The following SEPTIN8 variants were observed in gnomAD, a reference collection of about 807,000 sequenced individuals.
SEPTIN8 encodes the protein septin-8.
Under a neutral mutation model 53.1 loss-of-function variants are expected in SEPTIN8, and 22 were observed. The ratio of observed to expected loss-of-function variants is 0.41; its 90% CI spans 0.30 to 0.59. The LOEUF (loss-of-function observed/expected upper bound fraction) is 0.59, where lower values mean the gene tolerates loss of function less well. SEPTIN8 is among the 20% of genes least tolerant of loss of function. SEPTIN8 has a pLI of 0.24. For synonymous variants in SEPTIN8, 228 were observed against 248.4 expected (o/e 0.92, Z 0.77); for missense variants, 536 against 638.7 (o/e 0.84, Z 1.73).
In SEPTIN8 at chr5:132,777,160, T is replaced by TGGGC; in HGVS notation, c.-27_-24dup. ...CATGGCGAGCTCCGCACCGGGCGGG[T>TGGGC]GGGCTGGGACGAGCGCAGGGGCAGC... is the stretch of plus-strand genomic sequence containing the variant. On this transcript the variant is annotated 5_prime_UTR_variant, in exon 1 of 10. Transcript: ENST00000378719. This position sits in a 1 kb window ranked among gnomAD's most constrained non-coding sequence, Gnocchi z 4.1. The TGGGC allele has an allele frequency of 4.3e-6, 3 of 690,354 alleles. No individual in the cohort carries two copies. The highest frequency in any genetic ancestry group is 5.5e-6 in the Non-Finnish European group (3 of 543,618). The allele number at this position is 690,354 out of a possible 1,614,324, so 42.8% of individuals were successfully genotyped here. A position where few individuals can be genotyped will look rare whatever the true frequency, so the allele number is the denominator to read the frequency against.
chr5:132,756,609 G>A, intron 9 of SEPTIN8: 1 of 985,454 alleles, frequency 1.0e-6, no homozygotes, highest in Non-Finnish European at 1.2e-6. Flanking sequence ...TTTGGTCTCA[G>A]CTAAAGAAGA....
chr5:132,762,598 G>A lies in SEPTIN8; in HGVS notation c.582C>T (p.Ser194=), dbSNP rs755791074. The A allele has an allele frequency of 9.9e-6, 16 of 1,614,220 alleles. No individual in the cohort carries two copies. Among genetic ancestry groups the A allele is most frequent in the East Asian group, 4.5e-5 (2 of 44,890 alleles). ...IIAKADTISK[S]ELHKFKIKIM... ...TCTTGATCTTGAACTTGTGGAGCTCGCTCTTGGAGATGGTGTCAGCCTTGG... is the reference window on the plus strand; with the variant it reads ...TCTTGATCTTGAACTTGTGGAGCTCACTCTTGGAGATGGTGTCAGCCTTGG... Residue 194 remains serine, a synonymous_variant, in exon 5 of 10, where the codon AGC becomes AGT. Transcript: ENST00000378719.
At chr5:132,772,385 CT>C (rs1330929448) in intron 1 of SEPTIN8, among the ~76,000 whole-genome samples, 7 of 152,210 alleles carry the variant, frequency 4.6e-5, no homozygotes, top group Admixed American at 3.9e-4. Context: ...CTTTATTGTG[CT>C]GCCTGAGAGG....
chr5:132,755,454 A>G (rs1348755995), intron 9 of SEPTIN8, among the ~76,000 whole-genome samples: 1 of 152,010 alleles, frequency 6.6e-6, no homozygotes, highest in Non-Finnish European at 1.5e-5. Flanking sequence ...GGTGTAGCTC[A>G]GGATTTAAGG....
At chr5:132,752,494 G>C (rs964195793) in intron 9 of SEPTIN8, among the ~76,000 whole-genome samples, 4 of 152,094 alleles carry the variant, frequency 2.6e-5, no homozygotes, top group African/African-American at 9.7e-5. Context: ...GGGTATGTCT[G>C]GCTTAGGAGG....
rs753987303 is a variant in SEPTIN8 at position 132,761,098 on chromosome 5, A to G, written c.1095+35T>C. ...CCCTCAGCCAGGCCTTCCCTCCCTC[A>G]GCTTCCCCATCCCAGCCCCCAGCCT... On this transcript the variant is annotated intron_variant, in intron 8 of 9. Transcript: ENST00000378719. The surrounding 1 kb of genome is among the most constrained non-coding windows in gnomAD (Gnocchi z 5.8). The G allele has an allele frequency of 6.2e-7, 1 of 1,613,242 alleles. No individual in the cohort carries two copies. The highest frequency in any genetic ancestry group is 8.5e-7 in the Non-Finnish European group (1 of 1,179,484).
chr5:132,776,638 G>A lies in SEPTIN8; in HGVS notation c.30+470C>T, dbSNP rs1187595338. Among the ~76,000 whole-genome samples the A allele has an allele frequency of 1.3e-5, 2 of 152,136 alleles. No homozygotes were observed. The highest frequency in any genetic ancestry group is 2.9e-5 in the Non-Finnish European group (2 of 68,004). On this transcript the variant is annotated intron_variant, in intron 1 of 9. Transcript: ENST00000378719. The surrounding 1 kb of genome is among the most constrained non-coding windows in gnomAD (Gnocchi z 4.4). ...CAGGACTCAAGTCTGCAACTGTCCTGGGCTCGTGTGGGAGACTCTCTCGGA... is the reference window on the plus strand; with the variant it reads ...CAGGACTCAAGTCTGCAACTGTCCTAGGCTCGTGTGGGAGACTCTCTCGGA...
At position 132,761,645 on chromosome 5, in the gene SEPTIN8, TG is replaced by T. The variant is rs770206112; in HGVS notation, c.794-20del. ...TTCTCCACTGAAAGCAGAGGGCCGGTGGGGTATCAGGCAGGCATGCAGGCGG... is the reference window on the plus strand; with the variant it reads ...TTCTCCACTGAAAGCAGAGGGCCGGTGGGTATCAGGCAGGCATGCAGGCGG... On this transcript the variant is annotated intron_variant, in intron 6 of 9. Coordinates refer to ENST00000378719, the MANE Select transcript of SEPTIN8 (RefSeq NM_001098811.2). The surrounding 1 kb of genome is among the most constrained non-coding windows in gnomAD (Gnocchi z 5.8). 5.6e-6 allele frequency: 9 copies of T among 1,611,916 alleles called. No homozygotes were observed. Among genetic ancestry groups the T allele is most frequent in the Non-Finnish European group, 7.6e-6 (9 of 1,179,098 alleles).
In SEPTIN8 at chr5:132,765,696, C is replaced by T. The variant is rs934044069; in HGVS notation, c.31-167G>A. Among the ~76,000 whole-genome samples the T allele has an allele frequency of 5.9e-5, 9 of 152,358 alleles. No homozygotes were observed. The South Asian group carries it at 1.2e-3, about 21-fold the overall frequency. On this transcript the variant is annotated intron_variant, in intron 1 of 9. Transcript: ENST00000378719. The stretch of plus-strand genomic sequence containing the variant: ...AGTACACCCGAGCACCAACTCCAGG[C>T]CAAGTTTCCCCAGAGGGAGCCCGAT...
chr5:132,758,129 G>A (rs1444480215), intron 9 of SEPTIN8: 51 of 1,023,678 alleles, frequency 5.0e-5, no homozygotes, highest in Non-Finnish European at 5.9e-5. Flanking sequence ...CATCCATAAA[G>A]AAATGCCAAA....
Position 132,752,176 on chromosome 5 carries a change from G to A in SEPTIN8, c.1292C>T (p.Ser431Leu), listed in dbSNP as rs1754901731. 1.3e-6 allele frequency: 2 copies of A among 1,581,782 alleles called. No individual in the cohort carries two copies. Among genetic ancestry groups the A allele is most frequent in the Non-Finnish European group, 1.7e-6 (2 of 1,162,584 alleles). Residue 431 changes from serine to leucine, a missense_variant, in exon 10 of 10, where the codon TCA (serine) becomes TTA (leucine). Ser to Leu is a moderately radical substitution (Grantham distance 145). Transcript: ENST00000378719. Reference protein sequence around the residue: ...LRKDKDKKNRSDIGAHQPGMS... With the variant: ...LRKDKDKKNRLDIGAHQPGMS... ...GCCCGGCTGGTGTGCTCCTATATCT[G>A]ATCTGCTAAAGAAAGCACAGGTAGA... is the stretch of plus-strand genomic sequence containing the variant.
Position 132,761,816 on chromosome 5 carries a change from G to A in SEPTIN8, c.777C>T (p.Pro259=). 6.2e-7 allele frequency: 1 copy of A among 1,609,000 alleles called. No individual in the cohort carries two copies. Among genetic ancestry groups the A allele is most frequent in the South Asian group, 1.1e-5 (1 of 90,034 alleles). ...CACACTCACCCTGCACCACTCCCCA[G>A]GGGTACTGCCGTGCTCGGACCAGCT... The part of the protein sequence containing the change: ...GNKLVRARQY[P]WGVVQVENEN... The change falls in exon 6 of 10, where the codon CCC becomes CCT. Residue 259 remains proline (P), a synonymous_variant. Transcript: ENST00000378719. This position sits in a 1 kb window ranked among gnomAD's most constrained non-coding sequence, Gnocchi z 5.8.
Position 132,751,182 on chromosome 5 carries a change from C to G in SEPTIN8, c.*834G>C. The G allele has an allele frequency of 1.9e-6, 1 of 534,752 alleles. No individual in the cohort carries two copies. The highest frequency in any genetic ancestry group is 4.8e-4 in the Middle Eastern group (1 of 2,100). The allele number at this position is 534,752 out of a possible 1,614,324, so 33.1% of individuals were successfully genotyped here. A position where few individuals can be genotyped will look rare whatever the true frequency, so the allele number is the denominator to read the frequency against. On this transcript the variant is annotated 3_prime_UTR_variant, in exon 10 of 10. Coordinates refer to ENST00000378719, the MANE Select transcript of SEPTIN8 (RefSeq NM_001098811.2). ...AGGTATCTTAAATCCAACACAGTTC[C>G]ACCAGACTCCCACTTCTAAAGGACA...
rs759253260 is a variant in SEPTIN8 at position 132,762,468 on chromosome 5, C to T, written c.696+16G>A. On this transcript the variant is annotated intron_variant, in intron 5 of 9. Coordinates refer to ENST00000378719, the MANE Select transcript of SEPTIN8 (RefSeq NM_001098811.2). ...CCTCTGGCCCCAGGGCCCTGAGGCC[C>T]TCACCCAACGCTCACATTCATGACT... 6.8e-6 allele frequency: 11 copies of T among 1,613,458 alleles called. No homozygotes were observed. In the African/African-American group the frequency reaches 1.1e-4, roughly 16 times the overall value.
In SEPTIN8 at chr5:132,761,281, GAA is replaced by G; in HGVS notation, c.963-18_963-17del. ...CTCTTGTAGGCTGTGGAGACCCAGA[GAA>G]AAGAGGCCAAGGATGGGATTATGAC... On this transcript the variant is annotated splice_polypyrimidine_tract_variant and intron_variant, in intron 7 of 9. Coordinates refer to ENST00000378719, the MANE Select transcript of SEPTIN8 (RefSeq NM_001098811.2). The surrounding 1 kb of genome is among the most constrained non-coding windows in gnomAD (Gnocchi z 5.8). 2 of 1,612,596 alleles carry G rather than the reference GAA, an allele frequency of 1.2e-6. No homozygotes were observed. Among genetic ancestry groups the G allele is most frequent in the African/African-American group, 2.7e-5 (2 of 75,046 alleles).
chr5:132,774,347 C>A (rs901315956), intron 1 of SEPTIN8: 1 of 157,080 alleles, frequency 6.4e-6, no homozygotes, highest in Non-Finnish European at 1.5e-5. Context: ...ACCACGGGGT[C>A]TGAACCTGTG....
Position 132,776,791 on chromosome 5 carries a change from C to T in SEPTIN8, c.30+317G>A, listed in dbSNP as rs1029535879. 1.8e-4 allele frequency among the ~76,000 whole-genome samples: 27 copies of T among 152,182 alleles called. No individual in the cohort carries two copies. Among genetic ancestry groups the T allele is most frequent in the Admixed American group, 3.3e-4 (5 of 15,286 alleles). ...CCGGAGTGTCCCGGACCCTCACCTGCGGCCCCGCGGGCGCCACTCTATCTT... is the reference window on the plus strand; with the variant it reads ...CCGGAGTGTCCCGGACCCTCACCTGTGGCCCCGCGGGCGCCACTCTATCTT... On this transcript the variant is annotated intron_variant, in intron 1 of 9. Transcript: ENST00000378719. The surrounding 1 kb of genome is among the most constrained non-coding windows in gnomAD (Gnocchi z 4.4).
In SEPTIN8 at chr5:132,763,738, C is replaced by G. The variant is rs753535056; in HGVS notation, c.502G>C (p.Asp168His). 3.7e-6 allele frequency: 6 copies of G among 1,614,176 alleles called. No individual in the cohort carries two copies. Among genetic ancestry groups the G allele is most frequent in the Non-Finnish European group, 4.2e-6 (5 of 1,180,016 alleles). The change falls in exon 4 of 10, where the codon GAT becomes CAT. Residue 168 changes from aspartate (D) to histidine (H), a missense_variant. Physicochemically the swap from Asp to His is moderately conservative, Grantham distance 81. This residue lies in a region of SEPTIN8 where 395 missense variants were observed against 451.8 expected (regional missense o/e 0.87). Coordinates refer to ENST00000378719, the MANE Select transcript of SEPTIN8 (RefSeq NM_001098811.2). ...TCTAGTTTCTTCATGGTCACTAGATCTAGAGACTTCAGGGAGTGCCCTGTG... is the reference window on the plus strand; with the variant it reads ...TCTAGTTTCTTCATGGTCACTAGATGTAGAGACTTCAGGGAGTGCCCTGTG... ...TPTGHSLKSL[D>H]LVTMKKLDSK... is the part of the protein sequence containing the mutation.
At chr5:132,755,559 G>A (rs1755250574) in intron 9 of SEPTIN8, among the ~76,000 whole-genome samples, 1 of 152,186 alleles carries the variant, frequency 6.6e-6, no homozygotes, top group African/African-American at 2.4e-5. Flanking sequence ...GCTATAAAAT[G>A]GGGATGAATG....
Sources: allele counts gnomAD v4.1 joint callset (sites outside exome capture counted in the v4.1 genomes callset), GRCh38; gene constraint gnomAD v4.1.1; regional missense constraint gnomAD v4.1.1; non-coding constraint Gnocchi (gnomAD v3.1); transcripts MANE v1.5; gene names NCBI Gene and HGNC (gene_info 2026-07-23, HGNC 2026-07-21).